OPA1: variants seen among roughly 807,000 people sequenced by gnomAD.
OPA1 encodes OPA1 mitochondrial dynamin like GTPase.
In OPA1, 59 loss-of-function variants were observed where a neutral mutation model predicts 152.9. The observed-to-expected ratio is 0.39, with a 90% CI of 0.31 to 0.48. The LOEUF (loss-of-function observed/expected upper bound fraction) is 0.48. OPA1 is among the 20% of genes least tolerant of loss of function. The pLI is 0.96. For synonymous variants in OPA1, 400 were observed against 389.9 expected (o/e 1.03, Z -0.31); for missense variants, 1,008 against 1,216.8 (o/e 0.83, Z 2.55).
chr3:193,665,116 A>G, intron 27 of OPA1, 120 bp downstream of exon 27: 4 of 661,440 alleles, frequency 6.0e-6, no homozygotes, highest in Middle Eastern at 3.8e-4. Flanking sequence ...GAAAAAAAGT[A>G]TGTGTAATTT....
At chr3:193,675,973 TG>T (rs950421912) in intron 29 of OPA1, among the ~76,000 whole-genome samples, 5 of 152,250 alleles carry the variant, frequency 3.3e-5, no homozygotes, top group African/African-American at 9.6e-5. Flanking sequence ...TCATTTCTCT[TG>T]TAGAGCAGCT....
At chr3:193,625,063 A>C (rs1231712003) in intron 6 of OPA1, among the ~76,000 whole-genome samples, 3 of 152,124 alleles carry the variant, frequency 2.0e-5, no homozygotes, top group African/African-American at 7.2e-5. Context: ...ATTTCTAATT[A>C]AGAAAACATT....
chr3:193,638,051 C>A lies in OPA1; in HGVS notation c.1135C>A (p.Arg379Ser). 1 of 1,613,300 alleles carries A rather than the reference C, an allele frequency of 6.2e-7. No individual in the cohort carries two copies. The highest frequency in any genetic ancestry group is 1.3e-5 in the African/African-American group (1 of 75,028). ...AAGAGGATCTGGGGAGATGATGACA[C>A]GTTCTCCAGTTAAGGTAAGAACATA... ...FPRGSGEMMT[R>S]SPVKVTLSEG... The change falls in exon 11 of 31, where the codon CGT becomes AGT. Residue 379 changes from arginine (R) to serine (S), a missense_variant. Arg to Ser is a moderately radical substitution (Grantham distance 110). This residue lies in a region of OPA1 where 213 missense variants were observed against 291.4 expected (regional missense o/e 0.73). Transcript: ENST00000361510.
intron 1 of OPA1, among the ~76,000 whole-genome samples, chr3:193,608,601 C>T (rs1727665603): frequency 6.6e-6 from 1 of 152,166 alleles, no homozygotes; most frequent in African/African-American, 2.4e-5. Flanking sequence ...TTTACATTTT[C>T]TGAGGAGAGC....
rs972476273 is a variant in OPA1 at position 193,644,197 on chromosome 3, C to CA, written c.1608+99dup. The CA allele has an allele frequency of 5.0e-5, 68 of 1,364,062 alleles. No individual in the cohort carries two copies. The Admixed American group carries it at 5.4e-4, about 11-fold the overall frequency. 84.5% of individuals were successfully genotyped at this position (1,364,062 alleles called of 1,614,324 possible). On this transcript the variant is annotated intron_variant, in intron 16 of 30. Transcript: ENST00000361510. ...TTATTTAAAAAAACAACAACAACAA[C>CA]AAAAAAACACCTTACAACTAAGATT...
chr3:193,648,380 A>G (rs1711560602), intron 20 of OPA1: 1 of 441,268 alleles, frequency 2.3e-6, no homozygotes, highest in African/African-American at 2.0e-5. Flanking sequence ...TGAGAAGGTA[A>G]TGAATGTGCT....
intron 21 of OPA1, among the ~76,000 whole-genome samples, chr3:193,652,265 C>G (rs1453519423): frequency 4.6e-5 from 7 of 151,910 alleles, no homozygotes; most frequent in Non-Finnish European, 8.8e-5. Context: ...GCTTGTAATC[C>G]CATCTACTTG....
chr3:193,664,006 C>G (rs1715933415), intron 26 of OPA1, among the ~76,000 whole-genome samples: 1 of 151,976 alleles, frequency 6.6e-6, no homozygotes, highest in South Asian at 2.1e-4. Context: ...GAGGGATTTT[C>G]TCTTCAGAGT....
At chr3:193,606,672 G>C (rs1435975635) in intron 1 of OPA1, among the ~76,000 whole-genome samples, 2 of 152,116 alleles carry the variant, frequency 1.3e-5, no homozygotes, top group Non-Finnish European at 2.9e-5. Context: ...ATCATTGTTG[G>C]ACATTTGTGT....
chr3:193,658,815 T>A, intron 23 of OPA1, 72 bp from the exon 24 acceptor site: 1 of 1,021,380 alleles, frequency 9.8e-7, no homozygotes, highest in Middle Eastern at 2.1e-4. Flanking sequence ...TACTAAGCTG[T>A]CAATTTGAAT....
intron 23 of OPA1, among the ~76,000 whole-genome samples, chr3:193,658,061 C>T (rs1246741032): frequency 1.3e-5 from 2 of 152,066 alleles, no homozygotes; most frequent in African/African-American, 2.4e-5. Flanking sequence ...GCCTGACCAA[C>T]GTGGATAAAC....
At chr3:193,679,570 G>A (rs2109385014) in intron 29 of OPA1, among the ~76,000 whole-genome samples, 1 of 152,262 alleles carries the variant, frequency 6.6e-6, no homozygotes, top group Non-Finnish European at 1.5e-5. Context: ...CAAAGCTGGG[G>A]CTAATCATAT....
At position 193,662,956 on chromosome 3, in the gene OPA1, A is replaced by C. The variant is rs1170300182; in HGVS notation, c.2655A>C (p.Pro885=). 1.2e-6 allele frequency: 2 copies of C among 1,613,572 alleles called. No homozygotes were observed. Among genetic ancestry groups the C allele is most frequent in the Non-Finnish European group, 8.5e-7 (1 of 1,179,546 alleles). The change falls in exon 26 of 31, where the codon CCA becomes CCC. Residue 885 remains proline, a synonymous_variant. Coordinates refer to ENST00000361510, the MANE Select transcript of OPA1 (RefSeq NM_130837.3). ...NLESRGVEVD[P]SLIKDTWHQV... The stretch of plus-strand genomic sequence containing the variant: ...AATCCCGAGGAGTAGAAGTAGATCC[A>C]AGCTTGGTAATAAATACTGCTGAGA...
Position 193,692,047 on chromosome 3 carries a change from A to T in OPA1, c.2984-16A>T. On this transcript the variant is annotated splice_polypyrimidine_tract_variant and intron_variant, in intron 29 of 30. Coordinates refer to ENST00000361510, the MANE Select transcript of OPA1 (RefSeq NM_130837.3). Reference sequence around the variant, plus strand: ...CTTTGAAAAATAAATGTTTTTCTTTATTTTTATCTCCACAGAGAAAGTTAG... The same window carrying T: ...CTTTGAAAAATAAATGTTTTTCTTTTTTTTTATCTCCACAGAGAAAGTTAG... The T allele has an allele frequency of 7.1e-7, 1 of 1,416,526 alleles. No individual in the cohort carries two copies. The allele number at this position is 1,416,526 out of a possible 1,614,324, so 87.7% of individuals were successfully genotyped here.
At chr3:193,659,614 A>G in intron 25 of OPA1, 53 bp downstream of exon 25, 1 of 1,424,628 alleles carries the variant, frequency 7.0e-7, no homozygotes, top group Non-Finnish European at 9.8e-7. Context: ...GTTCATTTTA[A>G]TTCAGGCATT....
At chr3:193,619,361 A>G (rs952701402) in intron 6 of OPA1, among the ~76,000 whole-genome samples, 6 of 152,206 alleles carry the variant, frequency 3.9e-5, no homozygotes, top group African/African-American at 9.6e-5. Context: ...CCTTTTGCTC[A>G]TGGAACGTCG....
chr3:193,614,727 G>T lies in OPA1; in HGVS notation c.37G>T (p.Val13Phe). The change falls in exon 2 of 31, where the codon GTC (valine) becomes TTC (phenylalanine). Residue 13 changes from valine (V) to phenylalanine (F), a missense_variant. By Grantham distance (50) the Val-to-Phe change is conservative. Coordinates refer to ENST00000361510, the MANE Select transcript of OPA1 (RefSeq NM_130837.3). ...CCATATTCATTTTTCTTTCAGTGAG[G>T]TCTGCCAGTCTTTAGTGAAACACAG... ...RLRRAAVACEVCQSLVKHSSG... is the reference protein window; with the variant it reads ...RLRRAAVACEFCQSLVKHSSG... 2 of 1,611,856 alleles carry T rather than the reference G, an allele frequency of 1.2e-6. No homozygotes were observed. Among genetic ancestry groups the T allele is most frequent in the South Asian group, 2.2e-5 (2 of 91,028 alleles).
intron 8 of OPA1, among the ~76,000 whole-genome samples, chr3:193,634,650 C>T (rs775120548): frequency 6.6e-5 from 10 of 152,124 alleles, no homozygotes; most frequent in Non-Finnish European, 1.0e-4. Context: ...CATCGTGATC[C>T]GTCTGCCTCG....
chr3:193,594,954 G>T (rs2108764493), intron 1 of OPA1, among the ~76,000 whole-genome samples: 1 of 152,270 alleles, frequency 6.6e-6, no homozygotes, highest in Admixed American at 6.5e-5. Flanking sequence ...TTCTCTGTTG[G>T]AGCAATTAAG....
Sources: allele counts gnomAD v4.1 joint callset (sites outside exome capture counted in the v4.1 genomes callset), GRCh38; gene constraint gnomAD v4.1.1; regional missense constraint gnomAD v4.1.1; transcripts MANE v1.5; gene names NCBI Gene and HGNC (gene_info 2026-07-23, HGNC 2026-07-21).